Variants in TROAP observed in about 807,000 individuals in gnomAD.
The protein encoded by TROAP is tastin.
In TROAP, 62 loss-of-function variants were observed where a neutral mutation model predicts 83.4. That is an observed-to-expected ratio of 0.74 (90% CI 0.61 to 0.92). The LOEUF (loss-of-function observed/expected upper bound fraction) is 0.92. TROAP is among the 40% of genes least tolerant of loss of function. The pLI is 0.00. For synonymous variants in TROAP, 352 were observed against 386.4 expected, an observed-to-expected ratio of 0.91 and a Z score of 1.04; for missense variants, 876 against 985.1, an observed-to-expected ratio of 0.89 and a Z score of 1.48.
chr12:49,324,128 C>A (rs1245024738), intron 3 of TROAP, 91 bp downstream of exon 3: 2 of 1,614,116 alleles, frequency 1.2e-6, no homozygotes, highest in Non-Finnish European at 1.7e-6. Context: ...TGCACTCACT[C>A]CTGCTGTCTC....
Position 49,327,320 on chromosome 12 carries a change from C to A in TROAP, c.881C>A (p.Ser294Ter), listed in dbSNP as rs756241721. The A allele has an allele frequency of 1.2e-6, 2 of 1,613,878 alleles. No individual in the cohort carries two copies. The highest frequency in any genetic ancestry group is 3.3e-5 in the Admixed American group (2 of 60,000). Residue 294 changes from serine (S) to a stop codon, truncating the protein, a stop_gained, in exon 8 of 15, where the codon TCA becomes TAA. Coordinates refer to ENST00000257909, the MANE Select transcript of TROAP (RefSeq NM_005480.4). LOFTEE classifies it high-confidence loss of function. ...RVPLRENREMSHTRDSHDSHL... is the reference protein window; with the variant it reads ...RVPLRENREM ...CCATTAAGAGAAAACCGAGAAATGT[C>A]ACATACCAGGGTGAGATGCGACTCT...
chr12:49,323,362 G>T lies in TROAP; in HGVS notation c.-6+13G>T. 2.0e-6 allele frequency: 1 copy of T among 505,398 alleles called. No individual in the cohort carries two copies. The highest frequency in any genetic ancestry group is 3.5e-6 in the Non-Finnish European group (1 of 284,930). 31.3% of individuals were successfully genotyped at this position (505,398 alleles called of 1,614,324 possible). A position where few individuals can be genotyped will look rare whatever the true frequency, so the allele number is the denominator to read the frequency against. ...GGGCCTCGGTAAGGTAAGGCACGGGGGTCTTGAAGGGAACGAAGGCTGCTG... is the reference window on the plus strand; with the variant it reads ...GGGCCTCGGTAAGGTAAGGCACGGGTGTCTTGAAGGGAACGAAGGCTGCTG... On this transcript the variant is annotated intron_variant, in intron 1 of 14. Coordinates refer to ENST00000257909, the MANE Select transcript of TROAP (RefSeq NM_005480.4).
At chr12:49,326,258 G>A in intron 6 of TROAP, 100 bp downstream of exon 6, 1 of 1,198,058 alleles carries the variant, frequency 8.3e-7, no homozygotes, top group African/African-American at 1.5e-5. Flanking sequence ...GGAGCTTTAG[G>A]ACTCCCCACC....
chr12:49,323,540 C>T lies in TROAP; in HGVS notation c.-5-64C>T. The T allele has an allele frequency of 2.5e-6, 4 of 1,571,414 alleles. No homozygotes were observed. The East Asian group carries it at 6.7e-5, about 27-fold the overall frequency. ...GGTATCAGGGATGGCAGGACAGGTG[C>T]CCCGAGAACTGGTTGATCTTTGATC... is the stretch of plus-strand genomic sequence containing the variant. On this transcript the variant is annotated intron_variant, in intron 1 of 14. Transcript: ENST00000257909.
In TROAP at chr12:49,323,937, A is replaced by G. The variant is rs1312919366; in HGVS notation, c.237A>G (p.Ser79=). The change falls in exon 3 of 15, where the codon TCA becomes TCG. Residue 79 remains serine, a synonymous_variant. Transcript: ENST00000257909. ...AAGCCAGGCACCAGGCAGAGACATC[A>G]CAAAGATTGGTGGGGATCAGTCAGC... ...RPKARHQAET[S]QRLVGISQPR... 45 of 1,614,022 alleles carry G rather than the reference A, an allele frequency of 2.8e-5. No individual in the cohort carries two copies. The highest frequency in any genetic ancestry group is 3.6e-5 in the Non-Finnish European group (42 of 1,180,046).
rs550921152 is a variant in TROAP at position 49,323,853 on chromosome 12, G to T, written c.153G>T (p.Val51=). ...DQENQDPRRW[V]QKPPLNIQRP... is the part of the protein sequence containing the mutation. ...CCCGCTCCCTCCCCTAGAGATGGGT[G>T]CAGAAACCACCGCTCAATATTCAAC... The change falls in exon 3 of 15, where the codon GTG becomes GTT. Residue 51 remains valine, a synonymous_variant. Transcript: ENST00000257909. 5 of 1,614,012 alleles carry T rather than the reference G, an allele frequency of 3.1e-6. No individual in the cohort carries two copies. The African/African-American group carries it at 6.7e-5, about 22-fold the overall frequency.
intron 4 of TROAP, 30 bp from the exon 5 acceptor site, chr12:49,325,717 C>T: frequency 1.2e-6 from 2 of 1,612,724 alleles, no homozygotes; most frequent in South Asian, 1.1e-5. Context: ...GCATCCTGAG[C>T]AGTGCTGACA....
At chr12:49,323,786 A>G in intron 2 of TROAP, 34 bp downstream of exon 2, 1 of 1,614,032 alleles carries the variant, frequency 6.2e-7, no homozygotes. Context: ...GACAGTAGTC[A>G]CACCAGTAAT....
chr12:49,325,135 T>A (rs1414935372), intron 3 of TROAP, among the ~76,000 whole-genome samples: 1 of 151,816 alleles, frequency 6.6e-6, no homozygotes, highest in Non-Finnish European at 1.5e-5. Flanking sequence ...GCCAGGCTGG[T>A]CTCAAACTCC....
Position 49,328,966 on chromosome 12 carries a change from G to A in TROAP, c.931G>A (p.Val311Met). 2 of 1,603,512 alleles carry A rather than the reference G, an allele frequency of 1.2e-6. No homozygotes were observed. Among genetic ancestry groups the A allele is most frequent in the Non-Finnish European group, 1.7e-6 (2 of 1,173,262 alleles). ...DSHLMPSPAP[V>M]AQPLPGHVVP... ...CCACCTGATGCCCTCCCCTGCCCCT[G>A]TGGCCCAGCCCTTGCCTGGCCATGT... Residue 311 changes from valine (V) to methionine (M), a missense_variant, in exon 9 of 15, where the codon GTG (valine) becomes ATG (methionine). Physicochemically the swap from Val to Met is conservative, Grantham distance 21. Coordinates refer to ENST00000257909, the MANE Select transcript of TROAP (RefSeq NM_005480.4).
chr12:49,327,091 C>T (rs1943511168), intron 7 of TROAP, 118 bp from the exon 8 acceptor site: 3 of 1,292,088 alleles, frequency 2.3e-6, no homozygotes, highest in African/African-American at 1.5e-5. Context: ...GGGTTCCTGT[C>T]CCTAATAGTG....
In TROAP at chr12:49,329,948, C is replaced by T. The variant is rs1449206171; in HGVS notation, c.1256C>T (p.Pro419Leu). ...CCACCGGTGGCCACTCCTTCTGGAC[C>T]CCACTCTAACAGAACCCCCAGCCTC... ...GKPPVATPSG[P>L]HSNRTPSLQE... Residue 419 changes from proline to leucine, a missense_variant, in exon 12 of 15, where the codon CCC becomes CTC. Transcript: ENST00000257909. The surrounding 1 kb of genome is among the most constrained non-coding windows in gnomAD (Gnocchi z 4.5). 1.1e-5 allele frequency: 18 copies of T among 1,613,930 alleles called. No individual in the cohort carries two copies. The highest frequency in any genetic ancestry group is 1.4e-5 in the Non-Finnish European group (16 of 1,180,010).
Position 49,324,039 on chromosome 12 carries a change from T to C in TROAP, c.337+2T>C, listed in dbSNP as rs1565667886. On this transcript the variant is annotated splice_donor_variant, in intron 3 of 14. Coordinates refer to ENST00000257909, the MANE Select transcript of TROAP (RefSeq NM_005480.4). LOFTEE classifies it high-confidence loss of function. ...GGCCTGGGCCCCCTGCCCAGACAGG[T>C]ACCTGTTGGAGCCATGGTAACACGG... 2.5e-6 allele frequency: 4 copies of C among 1,612,726 alleles called. No homozygotes were observed. Among genetic ancestry groups the C allele is most frequent in the Non-Finnish European group, 3.4e-6 (4 of 1,179,174 alleles).
Position 49,325,619 on chromosome 12 carries a change from G to T in TROAP, c.456G>T (p.Leu152=). The part of the protein sequence containing the change: ...GRQPSLAKRV[L]VRGSQGGTTQ... ...AGCCTAGTCTGGCTAAAAGAGTACT[G>T]GTTCGAGGAAGTCAGGGAGGCACCA... The change falls in exon 4 of 15, where the codon CTG becomes CTT. Residue 152 remains leucine (L), a synonymous_variant. Transcript: ENST00000257909. 2 of 1,613,856 alleles carry T rather than the reference G, an allele frequency of 1.2e-6. No individual in the cohort carries two copies. Among genetic ancestry groups the T allele is most frequent in the Non-Finnish European group, 1.7e-6 (2 of 1,180,012 alleles).
chr12:49,324,845 C>T (rs1943470684), intron 3 of TROAP, among the ~76,000 whole-genome samples: 1 of 151,344 alleles, frequency 6.6e-6, no homozygotes, highest in Non-Finnish European at 1.5e-5. Flanking sequence ...ATTCTCATGC[C>T]TCACCCCGAG....
chr12:49,329,321 G>A lies in TROAP; in HGVS notation c.1105-74G>A. The A allele has an allele frequency of 2.5e-6, 4 of 1,613,162 alleles. No individual in the cohort carries two copies. In the Middle Eastern group the frequency reaches 4.9e-4, roughly 200 times the overall value. On this transcript the variant is annotated intron_variant, in intron 10 of 14. Coordinates refer to ENST00000257909, the MANE Select transcript of TROAP (RefSeq NM_005480.4). This position sits in a 1 kb window ranked among gnomAD's most constrained non-coding sequence, Gnocchi z 4.5. ...AGGAGATGGATGGGTACAGGAGAGA[G>A]AAGACAGAAGCAAGGGGAGGCTGAG...
At chr12:49,327,108 G>A (rs1260854076) in intron 7 of TROAP, 101 bp from the exon 8 acceptor site, 4 of 1,441,792 alleles carry the variant, frequency 2.8e-6, no homozygotes, top group Non-Finnish European at 3.8e-6. Context: ...AGTGCAATGG[G>A]GCCTATTAAA....
rs942647086 is a variant in TROAP at position 49,323,470 on chromosome 12, G to C, written c.-6+121G>C. 30 of 1,248,116 alleles carry C rather than the reference G, an allele frequency of 2.4e-5. 1 individual carries two copies. Among genetic ancestry groups the C allele is most frequent in the African/African-American group, 3.0e-5 (2 of 66,724 alleles). 77.3% of individuals were successfully genotyped at this position (1,248,116 alleles called of 1,614,324 possible). ...TCTGGAGATAGCACCCATAAGAGCG[G>C]TCTTGCAGGCGCCGGGGGCTTGTGG... On this transcript the variant is annotated intron_variant, in intron 1 of 14. Transcript: ENST00000257909.
At chr12:49,324,735 C>CT (rs1375214809) in intron 3 of TROAP, among the ~76,000 whole-genome samples, 2,280 of 134,414 alleles carry the variant, frequency 0.017, 23 homozygotes, top group East Asian at 0.028. Context: ...TTTTTCTTTT[C>CT]TTTTTTTTTT....
Sources: allele counts gnomAD v4.1 joint callset (sites outside exome capture counted in the v4.1 genomes callset), GRCh38; gene constraint gnomAD v4.1.1; non-coding constraint Gnocchi (gnomAD v3.1); transcripts MANE v1.5; gene names NCBI Gene and HGNC (gene_info 2026-07-23, HGNC 2026-07-21).